PIK3R5: variants seen among roughly 807,000 people sequenced by gnomAD.
PIK3R5 encodes phosphoinositide 3-kinase regulatory subunit 5.
Under a neutral mutation model 94.9 loss-of-function variants are expected in PIK3R5, and 32 were observed. That is an observed-to-expected ratio of 0.34 (90% CI 0.25 to 0.45). PIK3R5 has a LOEUF of 0.45. PIK3R5 is among the 20% of genes least tolerant of loss of function. The pLI is 1.00. For missense variants in PIK3R5, 853 were observed against 1,144.6 expected, an observed-to-expected ratio of 0.75 and a Z score of 3.68; for synonymous variants, 443 against 479.4, an observed-to-expected ratio of 0.92 and a Z score of 0.99.
chr17:8,953,502 G>A lies in PIK3R5; in HGVS notation c.-14+12094C>T, dbSNP rs1438215836. Among the ~76,000 whole-genome samples, 12 of 152,120 alleles carry A rather than the reference G, an allele frequency of 7.9e-5. No homozygotes were observed. The East Asian group carries it at 1.3e-3, about 17-fold the overall frequency. Reference sequence around the variant, plus strand: ...TCACACCAACAGCTATCATAGCACCGTGACCCACAGGCTAATGTGTTGAAC... The same window carrying A: ...TCACACCAACAGCTATCATAGCACCATGACCCACAGGCTAATGTGTTGAAC... On this transcript the variant is annotated intron_variant, in intron 1 of 18. Transcript: ENST00000447110.
In PIK3R5 at chr17:8,911,334, C is replaced by T. The variant is rs989364756; in HGVS notation, c.103+58G>A. 13 of 1,341,308 alleles carry T rather than the reference C, an allele frequency of 9.7e-6. No homozygotes were observed. The highest frequency in any genetic ancestry group is 2.1e-4 in the Middle Eastern group (1 of 4,794). 83.1% of individuals were successfully genotyped at this position (1,341,308 alleles called of 1,614,324 possible). On this transcript the variant is annotated intron_variant, in intron 2 of 18. Transcript: ENST00000447110. This position sits in a 1 kb window ranked among gnomAD's most constrained non-coding sequence, Gnocchi z 5.3. ...TTTCCATGCCTGGTCCAGTGCCCAC[C>T]GTGGCCCCTGAGGCTTCCTTGAGCC... is the stretch of plus-strand genomic sequence containing the variant.
chr17:8,926,679 C>T (rs1043785796), intron 1 of PIK3R5, among the ~76,000 whole-genome samples: 1 of 152,134 alleles, frequency 6.6e-6, no homozygotes, highest in African/African-American at 2.4e-5. Context: ...TTCAGATTAT[C>T]TCCCACCAGG....
rs1302350406 is a variant in PIK3R5 at position 8,896,995 on chromosome 17, T to C, written c.413-3340A>G. ...ATGGTGGACAGTTTGACCTACCTCA[T>C]ACCCTGAAGCAAACACCAGGCACAC... is the stretch of plus-strand genomic sequence containing the variant. On this transcript the variant is annotated intron_variant, in intron 5 of 18. Coordinates refer to ENST00000447110, the MANE Select transcript of PIK3R5 (RefSeq NM_001142633.3). The surrounding 1 kb of genome is among the most constrained non-coding windows in gnomAD (Gnocchi z 4.0). 2.6e-5 allele frequency among the ~76,000 whole-genome samples: 4 copies of C among 152,190 alleles called. No individual in the cohort carries two copies. Among genetic ancestry groups the C allele is most frequent in the African/African-American group, 7.2e-5 (3 of 41,454 alleles).
At chr17:8,905,022 T>C in intron 4 of PIK3R5, 107 bp from the exon 5 acceptor site, 1 of 1,225,222 alleles carries the variant, frequency 8.2e-7, no homozygotes, top group Non-Finnish European at 1.2e-6. Context: ...AAGACACACA[T>C]TTCCTGGCCG....
intron 5 of PIK3R5, among the ~76,000 whole-genome samples, chr17:8,898,375 G>A (rs549489309): frequency 3.1e-4 from 47 of 152,366 alleles, no homozygotes; most frequent in African/African-American, 1.1e-3. Flanking sequence ...AATTCCCCAA[G>A]GGGGAGAGCG....
At chr17:8,962,933 T>G (rs575535535) in intron 1 of PIK3R5, among the ~76,000 whole-genome samples, 1 of 152,216 alleles carries the variant, frequency 6.6e-6, no homozygotes, top group Non-Finnish European at 1.5e-5. Flanking sequence ...CTCCCTTGAC[T>G]TGTTAAGGAT....
chr17:8,886,336 G>A lies in PIK3R5; in HGVS notation c.2035-14C>T, dbSNP rs755278841. 1.9e-6 allele frequency: 3 copies of A among 1,609,324 alleles called. No individual in the cohort carries two copies. The highest frequency in any genetic ancestry group is 1.1e-5 in the South Asian group (1 of 90,966). ...GATGAAGGTCAGCTGGAGAGGGCAG[G>A]AGCATGTACATCAGTGTGAACCTCC... On this transcript the variant is annotated splice_polypyrimidine_tract_variant and intron_variant, in intron 13 of 18. Coordinates refer to ENST00000447110, the MANE Select transcript of PIK3R5 (RefSeq NM_001142633.3).
chr17:8,908,849 C>T (rs911483353), intron 3 of PIK3R5, among the ~76,000 whole-genome samples: 1 of 152,180 alleles, frequency 6.6e-6, no homozygotes, highest in Non-Finnish European at 1.5e-5. Flanking sequence ...TGTAGCTGAA[C>T]TCAGGACCCT....
At chr17:8,929,512 C>A (rs893625272) in intron 1 of PIK3R5, among the ~76,000 whole-genome samples, 1 of 152,108 alleles carries the variant, frequency 6.6e-6, no homozygotes, top group Non-Finnish European at 1.5e-5. Context: ...ACACAGCAAA[C>A]CTAAATGTGT....
At chr17:8,901,410 G>A (rs1416534869) in intron 5 of PIK3R5, among the ~76,000 whole-genome samples, 11 of 152,192 alleles carry the variant, frequency 7.2e-5, no homozygotes, top group Admixed American at 7.2e-4. Context: ...ACTGATGGGG[G>A]GGCAGGTAGA....
intron 1 of PIK3R5, among the ~76,000 whole-genome samples, chr17:8,931,144 G>A (rs770331476): frequency 1.7e-4 from 26 of 152,156 alleles, no homozygotes; most frequent in Non-Finnish European, 2.9e-4. Context: ...GCCTTGTACA[G>A]ATAAGTTTAA....
chr17:8,902,873 T>TC (rs1230180397), intron 5 of PIK3R5, among the ~76,000 whole-genome samples: 9 of 151,682 alleles, frequency 5.9e-5, no homozygotes, highest in African/African-American at 2.2e-4. Context: ...AGACAGAGTT[T>TC]CGCTCTTGTT....
intron 1 of PIK3R5, among the ~76,000 whole-genome samples, chr17:8,958,139 C>T (rs147499174): frequency 0.027 from 4,114 of 152,080 alleles, 55 homozygotes; most frequent in Middle Eastern, 0.068. Context: ...GGTGAATCCC[C>T]GTCTCTACTA....
At chr17:8,880,826 C>T (rs1209978018) in intron 18 of PIK3R5, 40 bp from the exon 19 acceptor site, 10 of 1,612,936 alleles carry the variant, frequency 6.2e-6, no homozygotes, top group Non-Finnish European at 5.9e-6. Flanking sequence ...GAGCAGGCCC[C>T]CATCCTTCCA....
chr17:8,925,380 T>C lies in PIK3R5; in HGVS notation c.-13-13873A>G, dbSNP rs1254223957. Among the ~76,000 whole-genome samples, 7 of 150,556 alleles carry C rather than the reference T, an allele frequency of 4.6e-5. No homozygotes were observed. The highest frequency in any genetic ancestry group is 4.2e-4 in the East Asian group (2 of 4,740). Reference sequence around the variant, plus strand: ...GATTGATAGATAGTAGATGGATAGATAGATAGATAGTAGATGGAGAGATAG... The same window carrying C: ...GATTGATAGATAGTAGATGGATAGACAGATAGATAGTAGATGGAGAGATAG... On this transcript the variant is annotated intron_variant, in intron 1 of 18. Transcript: ENST00000447110. The surrounding 1 kb of genome is among the most constrained non-coding windows in gnomAD (Gnocchi z 5.1).
Position 8,889,091 on chromosome 17 carries a change from G to C in PIK3R5, c.895+48C>G. 1 of 1,577,100 alleles carries C rather than the reference G, an allele frequency of 6.3e-7. No individual in the cohort carries two copies. Among genetic ancestry groups the C allele is most frequent in the Non-Finnish European group, 8.7e-7 (1 of 1,154,606 alleles). ...GCATGGACCCAGGACCAGAAACACA[G>C]CTCAGGCAGTGTGGGGCATGGGTGT... On this transcript the variant is annotated intron_variant, in intron 9 of 18. Coordinates refer to ENST00000447110, the MANE Select transcript of PIK3R5 (RefSeq NM_001142633.3). This position sits in a 1 kb window ranked among gnomAD's most constrained non-coding sequence, Gnocchi z 4.1.
intron 1 of PIK3R5, among the ~76,000 whole-genome samples, chr17:8,913,929 G>A (rs540353831): frequency 2.6e-5 from 4 of 152,218 alleles, no homozygotes; most frequent in South Asian, 2.1e-4. Context: ...ACCTGGGATT[G>A]TGCTGGCACC....
At chr17:8,954,226 T>A (rs1007390133) in intron 1 of PIK3R5, among the ~76,000 whole-genome samples, 3 of 152,250 alleles carry the variant, frequency 2.0e-5, no homozygotes, top group African/African-American at 7.2e-5. Flanking sequence ...AAATGCTTTG[T>A]ATTTTTGCAA....
intron 1 of PIK3R5, among the ~76,000 whole-genome samples, chr17:8,939,843 C>T (rs2091142236): frequency 6.6e-6 from 1 of 152,170 alleles, no homozygotes; most frequent in African/African-American, 2.4e-5. Flanking sequence ...TTCATGTATT[C>T]TGGAGTCCTG....
Sources: allele counts gnomAD v4.1 joint callset (sites outside exome capture counted in the v4.1 genomes callset), GRCh38; gene constraint gnomAD v4.1.1; non-coding constraint Gnocchi (gnomAD v3.1); transcripts MANE v1.5; gene names NCBI Gene and HGNC (gene_info 2026-07-23, HGNC 2026-07-21).